The following SNX4 variants were observed in gnomAD, a reference collection of about 807,000 sequenced individuals.
SNX4 encodes the protein sorting nexin 4, also known as sorting nexin-4.
In SNX4, 49 loss-of-function variants were observed where a neutral mutation model predicts 70.8. That is an observed-to-expected ratio of 0.69 (90% CI 0.55 to 0.88). The LOEUF is 0.88. Among genes scored for constraint, SNX4 ranks in the 40% least tolerant of loss-of-function variants. SNX4 has a pLI of 0.00. For synonymous variants in SNX4, 206 were observed against 183.8 expected, an observed-to-expected ratio of 1.12 and a Z score of -0.98; for missense variants, 528 against 544.8, an observed-to-expected ratio of 0.97 and a Z score of 0.31.
intron 5 of SNX4, 124 bp from the exon 6 acceptor site, chr3:125,489,587 C>G: frequency 1.4e-6 from 1 of 710,960 alleles, no homozygotes; most frequent in Non-Finnish European, 2.4e-6. Context: ...TTGTTGTAAA[C>G]ACATTAAACA....
chr3:125,481,373 C>A (rs1934405578), intron 6 of SNX4, among the ~76,000 whole-genome samples: 1 of 151,908 alleles, frequency 6.6e-6, no homozygotes, highest in South Asian at 2.1e-4. Flanking sequence ...ACTCCTGAAG[C>A]TTCTTTTGTA....
intron 1 of SNX4, among the ~76,000 whole-genome samples, chr3:125,511,309 C>CTCTG (rs1042881969): frequency 9.9e-5 from 15 of 151,906 alleles, no homozygotes; most frequent in African/African-American, 3.6e-4. Flanking sequence ...AAAATCGAAT[C>CTCTG]TCTCTCTCAA....
At chr3:125,482,767 G>C (rs1934443168) in intron 6 of SNX4, among the ~76,000 whole-genome samples, 2 of 152,066 alleles carry the variant, frequency 1.3e-5, no homozygotes, top group South Asian at 4.2e-4. Flanking sequence ...TGGTGAAGTT[G>C]AGGACATCAA....
intron 11 of SNX4, among the ~76,000 whole-genome samples, chr3:125,456,972 T>C (rs1933734130): frequency 6.6e-6 from 1 of 152,144 alleles, no homozygotes; most frequent in Non-Finnish European, 1.5e-5. Flanking sequence ...AATAATTTTT[T>C]TTTTTTTTAA....
chr3:125,517,325 A>T (rs1460756791), intron 1 of SNX4, among the ~76,000 whole-genome samples: 2 of 152,230 alleles, frequency 1.3e-5, no homozygotes, highest in African/African-American at 4.8e-5. Flanking sequence ...ATCTATTGGA[A>T]GTAATTTTGG....
chr3:125,461,805 G>A (rs570071783), intron 9 of SNX4, among the ~76,000 whole-genome samples: 2 of 152,098 alleles, frequency 1.3e-5, no homozygotes, highest in East Asian at 1.9e-4. Context: ...GGGACTACAG[G>A]TGCCTGTCAC....
intron 9 of SNX4, among the ~76,000 whole-genome samples, chr3:125,462,354 TA>T (rs1559811077): frequency 6.6e-6 from 1 of 152,046 alleles, no homozygotes; most frequent in Non-Finnish European, 1.5e-5. Context: ...GGAAAAGCTG[TA>T]ACTGGAGATT....
At chr3:125,451,768 A>G (rs190635813) in intron 12 of SNX4, among the ~76,000 whole-genome samples, 2 of 152,176 alleles carry the variant, frequency 1.3e-5, no homozygotes, top group Non-Finnish European at 2.9e-5. Context: ...CTGGGATTAC[A>G]GGCACACGCC....
chr3:125,476,506 G>T, intron 8 of SNX4, among the ~76,000 whole-genome samples, 189 bp downstream of exon 8: 1 of 152,064 alleles, frequency 6.6e-6, no homozygotes, highest in Non-Finnish European at 1.5e-5. Flanking sequence ...AGGAGGCGGG[G>T]GTTGCAGTGA....
intron 8 of SNX4, among the ~76,000 whole-genome samples, chr3:125,472,461 A>G (rs1004757548): frequency 2.0e-5 from 3 of 151,896 alleles, no homozygotes; most frequent in Non-Finnish European, 4.4e-5. Flanking sequence ...TGGAAGCCAT[A>G]TAATAGACAT....
At chr3:125,463,868 T>C (rs1460876121) in intron 9 of SNX4, among the ~76,000 whole-genome samples, 2 of 152,150 alleles carry the variant, frequency 1.3e-5, no homozygotes, top group Non-Finnish European at 2.9e-5. Context: ...TTAGAAATGT[T>C]TGCTCCTATA....
intron 2 of SNX4, among the ~76,000 whole-genome samples, chr3:125,499,704 T>C (rs1225390902): frequency 1.4e-5 from 2 of 144,606 alleles, no homozygotes; most frequent in African/African-American, 5.0e-5. Context: ...AATAAGTGGA[T>C]AAATAAAGCC....
At chr3:125,491,791 G>A (rs1934664467) in intron 5 of SNX4, among the ~76,000 whole-genome samples, 1 of 152,136 alleles carries the variant, frequency 6.6e-6, no homozygotes. Context: ...TTGTTCACTT[G>A]ATTCTTGGCT....
chr3:125,463,929 C>T (rs1260918906), intron 9 of SNX4, among the ~76,000 whole-genome samples: 3 of 152,090 alleles, frequency 2.0e-5, no homozygotes, highest in East Asian at 3.9e-4. Context: ...ATAGTAAAGG[C>T]CTGGCGGGGT....
intron 1 of SNX4, among the ~76,000 whole-genome samples, chr3:125,513,827 A>T (rs1433162803): frequency 2.3e-5 from 1 of 42,672 alleles, no homozygotes; most frequent in African/African-American, 1.1e-4. Context: ...GCTTACTTCA[A>T]GCAGTAAATA....
chr3:125,503,144 T>A (rs904395705), intron 2 of SNX4, among the ~76,000 whole-genome samples: 4 of 152,070 alleles, frequency 2.6e-5, no homozygotes, highest in Non-Finnish European at 5.9e-5. Flanking sequence ...TGACCTCAGG[T>A]GATCTGCCTG....
At chr3:125,474,885 T>A (rs918043841) in intron 8 of SNX4, among the ~76,000 whole-genome samples, 2 of 152,200 alleles carry the variant, frequency 1.3e-5, no homozygotes, top group African/African-American at 4.8e-5. Flanking sequence ...TGTTTTTAAA[T>A]AAGCATTGTT....
Position 125,495,275 on chromosome 3 carries a change from T to TATATATATATATATATATACACACAC in SNX4, c.597+2065_597+2066insGTGTGTGTATATATATATATATATAT. Reference sequence around the variant, plus strand: ...TTATATATATATATATATATATATATATACACATACACACACACACACGTA... The same window carrying TATATATATATATATATATACACACAC: ...TTATATATATATATATATATATATATATATATATATATATATATACACACACATACACATACACACACACACACGTA... On this transcript the variant is annotated intron_variant, in intron 5 of 13. Coordinates refer to ENST00000251775, the MANE Select transcript of SNX4 (RefSeq NM_003794.4). 9.5e-4 allele frequency among the ~76,000 whole-genome samples: 79 copies of TATATATATATATATATATACACACAC among 83,044 alleles called. 1 individual carries two copies. Among genetic ancestry groups the TATATATATATATATATATACACACAC allele is most frequent in the Non-Finnish European group, 1.3e-3 (51 of 38,194 alleles). The allele number at this position is 83,044 out of a possible 152,430, so 54.5% of individuals were successfully genotyped here.
chr3:125,448,415 G>A (rs1003513973), intron 13 of SNX4, among the ~76,000 whole-genome samples: 4 of 151,530 alleles, frequency 2.6e-5, no homozygotes, highest in Admixed American at 1.3e-4. Context: ...CATCACAGGT[G>A]TGAGCCACAG....
Sources: allele counts gnomAD v4.1 joint callset (sites outside exome capture counted in the v4.1 genomes callset), GRCh38; gene constraint gnomAD v4.1.1; transcripts MANE v1.5; gene names NCBI Gene and HGNC (gene_info 2026-07-23, HGNC 2026-07-21).